Variants in PRSS53 observed in about 807,000 individuals in gnomAD.
PRSS53 encodes serine protease 53.
PRSS53 carries 54 observed loss-of-function variants against 62.7 expected under a neutral mutation model. The observed-to-expected ratio is 0.86, with a 90% CI of 0.69 to 1.08. The LOEUF is 1.08. Ranked by LOEUF, PRSS53 falls within the 50% of genes least tolerant of loss-of-function variation. The pLI, the probability that PRSS53 is intolerant of heterozygous loss-of-function variation, is 0.00. For synonymous variants in PRSS53, 273 were observed against 300.0 expected, an observed-to-expected ratio of 0.91 and a Z score of 0.93; for missense variants, 688 against 728.3, an observed-to-expected ratio of 0.94 and a Z score of 0.64.
At chr16:31,084,490 G>A (rs957618672) in intron 9 of PRSS53, 68 bp downstream of exon 9, 18 of 1,544,742 alleles carry the variant, frequency 1.2e-5, no homozygotes, top group South Asian at 4.7e-5. Context: ...TGGAAGGTCC[G>A]TTCTTGAGCT....
At chr16:31,086,762 AGCCCTG>A in exon 4 of PRSS53, 1 of 1,612,122 alleles carries the variant, frequency 6.2e-7, no homozygotes, top group Non-Finnish European at 8.5e-7. Flanking sequence ...GCCAGGTCTG[AGCCCTG>A]GCTGTAGTGG....
At chr16:31,086,718 T>G (rs1596789464) in exon 4 of PRSS53, 1 of 1,580,740 alleles carries the variant, frequency 6.3e-7, no homozygotes, top group Non-Finnish European at 8.6e-7. Context: ...GGCAGAGGGG[T>G]GTGTGGGTCG....
Position 31,086,315 on chromosome 16 carries a change from C to T in PRSS53, c.663+22G>A, listed in dbSNP as rs201945011. ...AGGGTTAGGCCCCTCCCCTTCTGCT[C>T]CTTCTCTTCTCCCTATCAGACCTGA... On this transcript the variant is annotated intron_variant, in intron 5 of 10. Transcript: ENST00000280606. 274 of 1,598,746 alleles carry T rather than the reference C, an allele frequency of 1.7e-4. 2 individuals carry two copies. The East Asian group carries it at 6.0e-3, about 35-fold the overall frequency.
chr16:31,086,627 A>G lies in PRSS53; in HGVS notation c.508+6T>C. The G allele has an allele frequency of 1.9e-6, 3 of 1,540,500 alleles. No homozygotes were observed. Among genetic ancestry groups the G allele is most frequent in the Non-Finnish European group, 1.8e-6 (2 of 1,140,662 alleles). On this transcript the variant is annotated splice_donor_region_variant and intron_variant, in intron 4 of 10. Transcript: ENST00000280606. Reference sequence around the variant, plus strand: ...TCTCCGAGCTTCAGTCTGGGCCAGCACTTACCATCACTGGTGTCCTGATCC... The same window carrying G: ...TCTCCGAGCTTCAGTCTGGGCCAGCGCTTACCATCACTGGTGTCCTGATCC...
Position 31,084,875 on chromosome 16 carries a change from C to G in PRSS53, c.1184G>C (p.Gly395Ala), listed in dbSNP as rs1350150187. 3 of 1,547,648 alleles carry G rather than the reference C, an allele frequency of 1.9e-6. No homozygotes were observed. The highest frequency in any genetic ancestry group is 3.9e-5 in the Admixed American group (2 of 50,722). The change falls in exon 8 of 11, where the codon GGA becomes GCA. Residue 395 changes from glycine (G) to alanine (A), a missense_variant. Coordinates refer to ENST00000280606, the Ensembl canonical transcript of PRSS53. ...CAGGCAGAGGGGCCGCAGGCTGGCT[C>G]CCAGTGTCACAGGCTGGGCCAGCAG... is the stretch of plus-strand genomic sequence containing the variant.
At position 31,084,612 on chromosome 16, in the gene PRSS53, A is replaced by AGGGCT; in HGVS notation, c.1366_1370dup (p.Ile458AlafsTer31). The AGGGCT allele has an allele frequency of 6.2e-7, 1 of 1,607,280 alleles. No homozygotes were observed. Among genetic ancestry groups the AGGGCT allele is most frequent in the Admixed American group, 1.7e-5 (1 of 59,294 alleles). ...TGGTACACACCATCCCCGGCAGAAT[A>AGGGCT]GGGCTGCCATCACCCCCAGGAGCTG... On this transcript the variant is annotated frameshift_variant, in exon 9 of 11. Coordinates refer to ENST00000280606, the Ensembl canonical transcript of PRSS53. LOFTEE classifies it high-confidence loss of function.
chr16:31,086,421 C>A lies in PRSS53; in HGVS notation c.579G>T (p.Gln193His), dbSNP rs758969076. 1.2e-5 allele frequency: 19 copies of A among 1,614,008 alleles called. No individual in the cohort carries two copies. Among genetic ancestry groups the A allele is most frequent in the Admixed American group, 1.7e-5 (1 of 59,994 alleles). ...GGTTGGACAGGTGTCGCTGGTGCAG[C>A]TGGTTGTAGATACAGTTACATGTGG... Residue 193 changes from glutamine (Q) to histidine (H), a missense_variant, in exon 5 of 11, where the codon CAG (glutamine) becomes CAT (histidine). Gln to His is a conservative substitution (Grantham distance 24, BLOSUM62 0). Transcript: ENST00000280606.
At chr16:31,087,882 GGGA>G (rs2057251449) in intron 1 of PRSS53, 56 bp from the exon 2 acceptor site, 1 of 1,606,396 alleles carries the variant, frequency 6.2e-7, no homozygotes, top group South Asian at 1.1e-5. Context: ...CCTAGCTTTG[GGGA>G]GGAGAGGGGA....
chr16:31,084,048 G>T, intron 10 of PRSS53, 71 bp downstream of exon 10: 2 of 1,523,824 alleles, frequency 1.3e-6, no homozygotes, highest in South Asian at 2.5e-5. Flanking sequence ...GGGTTAGAAC[G>T]GCACGTTCTC....
chr16:31,087,171 A>G, intron 3 of PRSS53: 1 of 518,608 alleles, frequency 1.9e-6, no homozygotes, highest in Non-Finnish European at 3.4e-6. Flanking sequence ...CTAATTTTAC[A>G]GTTTTTGTAG....
intron 10 of PRSS53, 101 bp from the exon 11 acceptor site, chr16:31,083,910 A>G (rs943944147): frequency 6.6e-7 from 1 of 1,516,624 alleles, no homozygotes; most frequent in Non-Finnish European, 8.9e-7. Context: ...CTTGGCCGCC[A>G]TGACAGATGA....
chr16:31,086,050 G>C, exon 6 of PRSS53: 1 of 1,613,994 alleles, frequency 6.2e-7, no homozygotes, highest in Non-Finnish European at 8.5e-7. Context: ...CTGCAGCCAG[G>C]AACTGTGAGC....
At chr16:31,087,891 G>A (rs2057251517) in intron 1 of PRSS53, 65 bp from the exon 2 acceptor site, 2 of 1,603,778 alleles carry the variant, frequency 1.2e-6, no homozygotes, top group Non-Finnish European at 1.7e-6. Context: ...GGGGAGGAGA[G>A]GGGATGGGCT....
chr16:31,086,866 A>G, exon 4 of PRSS53: 1 of 1,604,632 alleles, frequency 6.2e-7, no homozygotes, highest in Non-Finnish European at 8.5e-7. Flanking sequence ...ACCCAGGACC[A>G]CTGACCAGGA....
intron 3 of PRSS53, 91 bp from the exon 4 acceptor site, chr16:31,086,989 A>G: frequency 7.4e-7 from 1 of 1,357,456 alleles, no homozygotes; most frequent in Non-Finnish European, 9.9e-7. Flanking sequence ...AAGATAGCAG[A>G]GAGCACTCCA....
chr16:31,084,167 C>T lies in PRSS53; in HGVS notation c.1594G>A (p.Glu532Lys), dbSNP rs377498752. ...GGCTCAGCCTCGGGCTCTGGTTCCT[C>T]GGCGAAGTAGACCTGCCAGTCCAAA... The change falls in exon 10 of 11, where the codon GAG becomes AAG. Residue 532 changes from glutamate to lysine, a missense_variant. Physicochemically the swap from Glu to Lys is moderately conservative, Grantham distance 56 (BLOSUM62 1). Coordinates refer to ENST00000280606, the Ensembl canonical transcript of PRSS53. 53 of 1,600,858 alleles carry T rather than the reference C, an allele frequency of 3.3e-5. No homozygotes were observed. The highest frequency in any genetic ancestry group is 1.6e-4 in the Middle Eastern group (1 of 6,066).
chr16:31,084,443 TTA>T (rs2057205979), intron 9 of PRSS53, 108 bp from the exon 10 acceptor site: 2 of 1,493,964 alleles, frequency 1.3e-6, no homozygotes, highest in East Asian at 2.4e-5. Flanking sequence ...GCAAAAAGGC[TTA>T]GTTTCAGGTG....
At chr16:31,083,619 C>A in exon 11 of PRSS53, 1 of 1,502,516 alleles carries the variant, frequency 6.7e-7, no homozygotes, top group Non-Finnish European at 8.9e-7. Context: ...CCCTGTCCTG[C>A]AGGGTGGGGA....
chr16:31,088,277 C>G (rs2057255277), intron 1 of PRSS53: 1 of 1,135,544 alleles, frequency 8.8e-7, no homozygotes, highest in African/African-American at 1.6e-5. Context: ...TCACCCTGGT[C>G]TAGAGACTCA....
Sources: gnomAD v4.1 joint callset for allele counts on GRCh38, gnomAD v4.1.1 for gene constraint, MANE v1.5 for transcripts, NCBI Gene and HGNC (gene_info 2026-07-23, HGNC 2026-07-21) for gene names.